The following SHISA9 variants were observed in gnomAD, a reference collection of about 807,000 sequenced individuals.
SHISA9 encodes shisa family member 9, also known as protein shisa-9.
In SHISA9, 13 loss-of-function variants were observed where a neutral mutation model predicts 38.0. The ratio of observed to expected loss-of-function variants is 0.34; its 90% CI spans 0.22 to 0.54. SHISA9 has a LOEUF of 0.54. Ranked by LOEUF, SHISA9 falls within the 20% of genes least tolerant of loss-of-function variation. The probability of loss-of-function intolerance (pLI) is 0.91; values close to 1 mark genes in which losing one functional copy is unlikely to be tolerated. For missense variants in SHISA9, 538 were observed against 575.8 expected (o/e 0.93, Z 0.67); for synonymous variants, 275 against 242.0 (o/e 1.14, Z -1.27).
At chr16:13,341,251 T>A in the SHISA9 span, among the ~76,000 whole-genome samples, 2 of 152,182 alleles carry the variant, frequency 1.3e-5, no homozygotes, top group Non-Finnish European at 1.5e-5. Context: ...CTGCTGAGAT[T>A]CTTAGAGTTG....
At chr16:13,478,578 A>G in the SHISA9 span, among the ~76,000 whole-genome samples, 1 of 152,198 alleles carries the variant, frequency 6.6e-6, no homozygotes, top group Admixed American at 6.5e-5. Context: ...TCATCCTGGA[A>G]GGTCTGTTCC....
At chr16:13,037,088 C>CCACACACACACACA (rs71147781) in intron 2 of SHISA9, among the ~76,000 whole-genome samples, 1 of 129,656 alleles carries the variant, frequency 7.7e-6, no homozygotes, top group Non-Finnish European at 1.6e-5. Flanking sequence ...ACACACCACA[C>CCACACACACACACA]CACACACACA....
chr16:13,446,645 A>ATGTG, the SHISA9 span, among the ~76,000 whole-genome samples: 2 of 151,800 alleles, frequency 1.3e-5, no homozygotes, highest in Non-Finnish European at 2.9e-5. Flanking sequence ...CTGTGTGTGT[A>ATGTG]TGTGTGTGTG....
the SHISA9 span, among the ~76,000 whole-genome samples, chr16:13,514,507 TAG>T: frequency 6.6e-6 from 1 of 152,126 alleles, no homozygotes; most frequent in African/African-American, 2.4e-5. Flanking sequence ...CTACATTAAG[TAG>T]AGACATGGAA....
intron 2 of SHISA9, among the ~76,000 whole-genome samples, chr16:12,933,130 A>G (rs568625796): frequency 1.3e-5 from 2 of 152,308 alleles, no homozygotes; most frequent in East Asian, 3.9e-4. Context: ...TCTTTGTTTA[A>G]TGAATGAATG....
At chr16:13,111,950 G>C (rs1227683861) in intron 2 of SHISA9, among the ~76,000 whole-genome samples, 1 of 152,152 alleles carries the variant, frequency 6.6e-6, no homozygotes, top group Non-Finnish European at 1.5e-5. Context: ...GCTCAGAGAG[G>C]TTAGGAAACT....
the SHISA9 span, among the ~76,000 whole-genome samples, chr16:13,284,592 A>ATTAT: frequency 1.9e-3 from 294 of 152,008 alleles, 10 homozygotes; most frequent in East Asian, 0.044. Flanking sequence ...TATGCATTTC[A>ATTAT]TTATTTATTT....
intron 2 of SHISA9, among the ~76,000 whole-genome samples, chr16:13,118,924 G>A (rs923831921): frequency 6.6e-6 from 1 of 151,924 alleles, no homozygotes; most frequent in Admixed American, 6.6e-5. Flanking sequence ...TAGAGACGGG[G>A]TTTCTCCTTG....
At chr16:13,025,282 C>T (rs747664300) in intron 2 of SHISA9, among the ~76,000 whole-genome samples, 2 of 152,174 alleles carry the variant, frequency 1.3e-5, no homozygotes, top group Non-Finnish European at 2.9e-5. Context: ...AACGACATTA[C>T]CTGGAAACTT....
At chr16:13,295,962 G>A in the SHISA9 span, among the ~76,000 whole-genome samples, 6 of 152,118 alleles carry the variant, frequency 3.9e-5, 1 homozygote, top group South Asian at 1.2e-3. Context: ...CCTTTTTTGA[G>A]CCTGTATCAG....
the SHISA9 span, among the ~76,000 whole-genome samples, chr16:13,437,578 G>GT: frequency 6.6e-6 from 1 of 152,120 alleles, no homozygotes; most frequent in Admixed American, 6.6e-5. Flanking sequence ...ACCCTCTTCT[G>GT]TGTTACCTCC....
chr16:13,004,857 G>A (rs549328450), intron 2 of SHISA9, among the ~76,000 whole-genome samples: 3 of 151,562 alleles, frequency 2.0e-5, no homozygotes, highest in South Asian at 2.1e-4. Context: ...GCTTGAATGC[G>A]GGAGGCAGAG....
intron 2 of SHISA9, among the ~76,000 whole-genome samples, chr16:13,059,419 A>G (rs886752724): frequency 3.3e-5 from 5 of 152,002 alleles, no homozygotes; most frequent in African/African-American, 4.8e-5. Flanking sequence ...GAGCCACCGC[A>G]CCTGGCCTAT....
chr16:13,420,927 C>T, the SHISA9 span, among the ~76,000 whole-genome samples: 2 of 152,170 alleles, frequency 1.3e-5, no homozygotes, highest in Non-Finnish European at 2.9e-5. Context: ...TACAGCTGCT[C>T]CCAGCGAAAC....
At chr16:12,916,011 G>GTTTTTTTT (rs34050190) in intron 1 of SHISA9, among the ~76,000 whole-genome samples, 5 of 90,432 alleles carry the variant, frequency 5.5e-5, no homozygotes, top group African/African-American at 1.3e-4. Context: ...GTGTGTGTGT[G>GTTTTTTTT]TTTTTTTTTT....
At chr16:13,467,340 C>T in the SHISA9 span, among the ~76,000 whole-genome samples, 11 of 152,332 alleles carry the variant, frequency 7.2e-5, no homozygotes, top group African/African-American at 2.2e-4. Context: ...GAGCAGAACA[C>T]TTTTCTCCTC....
At chr16:13,402,955 A>T in the SHISA9 span, among the ~76,000 whole-genome samples, 1 of 152,150 alleles carries the variant, frequency 6.6e-6, no homozygotes, top group Non-Finnish European at 1.5e-5. Flanking sequence ...CGTCTCTACT[A>T]AAAGTACAAA....
chr16:13,029,565 G>T (rs2072966311), intron 2 of SHISA9, among the ~76,000 whole-genome samples: 1 of 152,210 alleles, frequency 6.6e-6, no homozygotes, highest in African/African-American at 2.4e-5. Context: ...CCGAGATTGT[G>T]CCACTGCACT....
At chr16:13,255,567 C>A in the SHISA9 span, among the ~76,000 whole-genome samples, 1 of 152,244 alleles carries the variant, frequency 6.6e-6, no homozygotes, top group African/African-American at 2.4e-5. Context: ...AAATCCAGAT[C>A]TGGCTGATTC....
Sources: gnomAD v4.1 joint callset for allele counts (sites outside exome capture counted in the v4.1 genomes callset) on GRCh38, gnomAD v4.1.1 for gene constraint, MANE v1.5 for transcripts, NCBI Gene and HGNC (gene_info 2026-07-23, HGNC 2026-07-21) for gene names.